CCDC88C: variants seen among roughly 807,000 people sequenced by gnomAD.
CCDC88C encodes the protein protein Daple.
A neutral mutation model predicts 198.8 loss-of-function variants in CCDC88C; 131 were observed. That is an observed-to-expected ratio of 0.66 (90% CI 0.57 to 0.76). The LOEUF (loss-of-function observed/expected upper bound fraction) is 0.76. Ranked by LOEUF, CCDC88C falls within the 30% of genes least tolerant of loss-of-function variation. The pLI, the probability that CCDC88C is intolerant of heterozygous loss-of-function variation, is 0.00. For synonymous variants in CCDC88C, 1,166 were observed against 1,114.7 expected (o/e 1.05, Z -0.92); for missense variants, 2,553 against 2,631.6 (o/e 0.97, Z 0.65).
chr14:91,286,199 C>T lies in CCDC88C; in HGVS notation c.4442-2682G>A, dbSNP rs538292072. The stretch of plus-strand genomic sequence containing the variant: ...TTAATTTAGGGCCCAACTTCTCTTA[C>T]TCATCCATTTTAATGATGGGGTCCC... On this transcript the variant is annotated intron_variant, in intron 25 of 29. Transcript: ENST00000389857. Among the ~76,000 whole-genome samples, 13 of 152,294 alleles carry T rather than the reference C, an allele frequency of 8.5e-5. No individual in the cohort carries two copies. The South Asian group carries it at 2.7e-3, about 32-fold the overall frequency.
rs1890494829 is a variant in CCDC88C at position 91,288,127 on chromosome 14, A to C, written c.4441+978T>G. Among the ~76,000 whole-genome samples, 1 of 152,222 alleles carries C rather than the reference A, an allele frequency of 6.6e-6. No individual in the cohort carries two copies. The highest frequency in any genetic ancestry group is 6.5e-5 in the Admixed American group (1 of 15,288). On this transcript the variant is annotated intron_variant, in intron 25 of 29. Coordinates refer to ENST00000389857, the MANE Select transcript of CCDC88C (RefSeq NM_001080414.4). This position sits in a 1 kb window ranked among gnomAD's most constrained non-coding sequence, Gnocchi z 4.2. The stretch of plus-strand genomic sequence containing the variant: ...ATTCTTATTTAGAAAAGCTCTTTCA[A>C]CAAGAGCGTAAGAAAAATTCGAAGT...
intron 4 of CCDC88C, among the ~76,000 whole-genome samples, chr14:91,356,417 T>A (rs533260041): frequency 6.6e-6 from 1 of 152,290 alleles, no homozygotes; most frequent in Non-Finnish European, 1.5e-5. Flanking sequence ...GGTAGAGTTA[T>A]TCCCGTCCTT....
At chr14:91,290,965 C>A in intron 24 of CCDC88C, 30 bp downstream of exon 24, 1 of 1,357,422 alleles carries the variant, frequency 7.4e-7, no homozygotes, top group South Asian at 1.2e-5. Context: ...TAAGTTCTGT[C>A]TTTATGCCAC....
At chr14:91,395,555 C>A (rs773462065) in intron 3 of CCDC88C, among the ~76,000 whole-genome samples, 1 of 152,140 alleles carries the variant, frequency 6.6e-6, no homozygotes, top group Non-Finnish European at 1.5e-5. Context: ...ACCTTGTTCT[C>A]TGGCTTCACT....
chr14:91,321,204 C>T lies in CCDC88C; in HGVS notation c.1443G>A (p.Gly481=), dbSNP rs773065030. The change falls in exon 13 of 30, where the codon GGG becomes GGA. Residue 481 remains glycine, a synonymous_variant. Transcript: ENST00000389857. ...CCAACACCAGGGACGCGTCCCGCAG[C>T]CCCTGGATGGTGCTCTGGAGGCTCT... ...ENQSLQSTIQ[G]LRDASLVLEE... is the part of the protein sequence containing the mutation. 3 of 1,611,626 alleles carry T rather than the reference C, an allele frequency of 1.9e-6. No homozygotes were observed. Among genetic ancestry groups the T allele is most frequent in the South Asian group, 1.1e-5 (1 of 90,384 alleles).
In CCDC88C at chr14:91,294,798, C is replaced by T. The variant is rs540411340; in HGVS notation, c.3967-480G>A. 2.0e-5 allele frequency among the ~76,000 whole-genome samples: 3 copies of T among 152,338 alleles called. No individual in the cohort carries two copies. In the South Asian group the frequency reaches 6.2e-4, roughly 32 times the overall value. ...GCCTCCTGAGTCTCAGCTGGGATTA[C>T]AGGCGCGTGCCACCACGCCCAGCTA... On this transcript the variant is annotated intron_variant, in intron 22 of 29. Coordinates refer to ENST00000389857, the MANE Select transcript of CCDC88C (RefSeq NM_001080414.4).
intron 23 of CCDC88C, 68 bp downstream of exon 23, chr14:91,294,105 C>A: frequency 6.3e-7 from 1 of 1,584,986 alleles, no homozygotes; most frequent in Non-Finnish European, 8.6e-7. Flanking sequence ...GAAGCCAGGA[C>A]CTCCAGAGAC....
At chr14:91,343,454 C>T in intron 5 of CCDC88C, 145 bp downstream of exon 5, 14 of 1,415,364 alleles carry the variant, frequency 9.9e-6, no homozygotes, top group Middle Eastern at 2.2e-4. Context: ...AATGGCCACT[C>T]TCTTCCAGGA....
chr14:91,282,383 A>G (rs1890234382), intron 26 of CCDC88C, among the ~76,000 whole-genome samples: 1 of 152,150 alleles, frequency 6.6e-6, no homozygotes, highest in Non-Finnish European at 1.5e-5. Context: ...GTTTCTTTGG[A>G]TATTTTCCTA....
At chr14:91,310,344 C>T (rs1294961241) in intron 15 of CCDC88C, among the ~76,000 whole-genome samples, 1 of 152,066 alleles carries the variant, frequency 6.6e-6, no homozygotes, top group Non-Finnish European at 1.5e-5. Flanking sequence ...ATTAAAGGCC[C>T]CTTGTAGACA....
chr14:91,361,175 G>A (rs1894288538), intron 3 of CCDC88C, among the ~76,000 whole-genome samples: 1 of 151,766 alleles, frequency 6.6e-6, no homozygotes, highest in African/African-American at 2.4e-5. Context: ...CAAAAAAGAG[G>A]GTGGGTTTCA....
chr14:91,297,896 C>T (rs1891082925), intron 21 of CCDC88C, among the ~76,000 whole-genome samples: 2 of 152,158 alleles, frequency 1.3e-5, no homozygotes, highest in South Asian at 4.1e-4. Flanking sequence ...CATTTTTGCT[C>T]TAAAATTCTG....
At position 91,324,886 on chromosome 14, in the gene CCDC88C, A is replaced by G. The variant is rs773903024; in HGVS notation, c.1235T>C (p.Leu412Pro). 5.6e-6 allele frequency: 9 copies of G among 1,613,902 alleles called. No individual in the cohort carries two copies. Among genetic ancestry groups the G allele is most frequent in the Non-Finnish European group, 6.8e-6 (8 of 1,179,906 alleles). The change falls in exon 12 of 30, where the codon CTG becomes CCG. Residue 412 changes from leucine (L) to proline (P), a missense_variant. Leu to Pro is a moderately conservative substitution (Grantham distance 98). Around this residue, in one of 2 missense-constraint regions of CCDC88C, gnomAD observed 1,260 missense variants for 1,412.0 expected, o/e 0.89. Coordinates refer to ENST00000389857, the MANE Select transcript of CCDC88C (RefSeq NM_001080414.4). Reference sequence around the variant, plus strand: ...AATCTCAAGGACCATGTTTTCTTCCAGCAGCTCCTCAATTCGTTTCTTATC... The same window carrying G: ...AATCTCAAGGACCATGTTTTCTTCCGGCAGCTCCTCAATTCGTTTCTTATC... ...DTDKKRIEEL[L>P]EENMVLEIAQ...
At chr14:91,279,159 C>T (rs1001481604) in intron 28 of CCDC88C, 79 bp downstream of exon 28, 5 of 1,244,888 alleles carry the variant, frequency 4.0e-6, no homozygotes, top group African/African-American at 1.5e-5. Context: ...TTGGCCCTCC[C>T]AAAGTGCTGA....
Position 91,281,529 on chromosome 14 carries a change from A to C in CCDC88C, c.4631-4T>G, listed in dbSNP as rs929977146. 7 of 1,613,742 alleles carry C rather than the reference A, an allele frequency of 4.3e-6. No homozygotes were observed. Among genetic ancestry groups the C allele is most frequent in the Non-Finnish European group, 5.9e-6 (7 of 1,179,696 alleles). ...AGGTTGTCATCTGAGTTATAGCCTA[A>C]GGTGAAAATAAGGCTAGTGAGTCAT... is the stretch of plus-strand genomic sequence containing the variant. On this transcript the variant is annotated splice_polypyrimidine_tract_variant and splice_region_variant and intron_variant, in intron 26 of 29. Transcript: ENST00000389857.
At chr14:91,361,353 G>A (rs2139907152) in intron 3 of CCDC88C, among the ~76,000 whole-genome samples, 1 of 152,314 alleles carries the variant, frequency 6.6e-6, no homozygotes. Flanking sequence ...TCGAGAAGAA[G>A]AGGGGGATAA....
At chr14:91,293,597 G>GTCCCCTCGCCTGCCACA (rs1890863923) in intron 23 of CCDC88C, among the ~76,000 whole-genome samples, 5 of 80,544 alleles carry the variant, frequency 6.2e-5, no homozygotes, top group Admixed American at 5.6e-4. Flanking sequence ...CGCCTGCCAT[G>GTCCCCTCGCCTGCCACA]GCCCACCTCC....
intron 2 of CCDC88C, among the ~76,000 whole-genome samples, chr14:91,414,854 G>A (rs769094594): frequency 3.7e-4 from 56 of 152,270 alleles, no homozygotes; most frequent in South Asian, 6.2e-4. Flanking sequence ...CAGGGAAGGG[G>A]AGAAACCCTC....
chr14:91,311,444 A>G (rs1244828169), intron 15 of CCDC88C, among the ~76,000 whole-genome samples: 1 of 152,030 alleles, frequency 6.6e-6, no homozygotes, highest in East Asian at 1.9e-4. Flanking sequence ...GCTGAGCCCC[A>G]CCCATGCAGC....
Sources: allele counts gnomAD v4.1 joint callset (sites outside exome capture counted in the v4.1 genomes callset), GRCh38; gene constraint gnomAD v4.1.1; regional missense constraint gnomAD v4.1.1; non-coding constraint Gnocchi (gnomAD v3.1); transcripts MANE v1.5; gene names NCBI Gene and HGNC (gene_info 2026-07-23, HGNC 2026-07-21).